CDK12: variants seen among roughly 807,000 people sequenced by gnomAD.
CDK12 encodes the protein cyclin dependent kinase 12, also known as cyclin-dependent kinase 12.
CDK12 carries 17 observed loss-of-function variants against 133.8 expected under a neutral mutation model. That is an observed-to-expected ratio of 0.13 (90% CI 0.09 to 0.19). The LOEUF (loss-of-function observed/expected upper bound fraction) is 0.19, where lower values mean the gene tolerates loss of function less well. Among genes scored for constraint, CDK12 ranks in the 10% least tolerant of loss-of-function variants. The pLI is 1.00. For missense variants in CDK12, 1,508 were observed against 1,818.7 expected (o/e 0.83, Z 3.11); for synonymous variants, 694 against 683.6 (o/e 1.02, Z -0.24).
intron 5 of CDK12, among the ~76,000 whole-genome samples, chr17:39,498,948 TTTC>T (rs1567736876): frequency 0.33 from 4 of 12 alleles, no homozygotes; most frequent in African/African-American, 0.5. Context: ...TCTTTCTTTC[TTTC>T]TTTCTTTCTT....
At chr17:39,513,450 T>TGCTG (rs2053611674) in intron 8 of CDK12, among the ~76,000 whole-genome samples, 1 of 152,242 alleles carries the variant, frequency 6.6e-6, no homozygotes, top group Non-Finnish European at 1.5e-5. Flanking sequence ...AGTTAAATTT[T>TGCTG]ACTGACTCAA....
intron 6 of CDK12, among the ~76,000 whole-genome samples, chr17:39,503,773 G>A (rs894026027): frequency 6.6e-6 from 1 of 152,138 alleles, no homozygotes; most frequent in African/African-American, 2.4e-5. Context: ...AGACCTGTGG[G>A]TGAGATGGCC....
At chr17:39,559,126 T>TA (rs1195935425) in intron 3 of CDK12, among the ~76,000 whole-genome samples, 1 of 152,184 alleles carries the variant, frequency 6.6e-6, no homozygotes, top group Non-Finnish European at 1.5e-5. Flanking sequence ...CTCCTATACC[T>TA]AAAAGAGACA....
Position 39,532,472 on chromosome 17 carries a change from C to A in CDK12, c.*1156C>A, listed in dbSNP as rs1015659058. The A allele has an allele frequency of 1.5e-4, 35 of 227,818 alleles. No homozygotes were observed. Among genetic ancestry groups the A allele is most frequent in the Admixed American group, 9.7e-4 (17 of 17,522 alleles). 14.1% of individuals were successfully genotyped at this position (227,818 alleles called of 1,614,324 possible). On this transcript the variant is annotated 3_prime_UTR_variant, in exon 14 of 14. Coordinates refer to ENST00000447079, the MANE Select transcript of CDK12 (RefSeq NM_016507.4). ...ATATATTTTTATGTCAAAAAAAAAA[C>A]AAAAACCTTTCAAACAGAGCATTGT...
rs570066130 is a variant in CDK12, at chr17:39,484,305, A to G, written c.1932-6252A>G. Among the ~76,000 whole-genome samples, 45 of 152,278 alleles carry G rather than the reference A, an allele frequency of 3.0e-4. No homozygotes were observed. In the South Asian group the frequency reaches 7.7e-3, roughly 26 times the overall value. On this transcript the variant is annotated intron_variant, in intron 2 of 13. Coordinates refer to ENST00000447079, the MANE Select transcript of CDK12 (RefSeq NM_016507.4). Reference sequence around the variant, plus strand: ...ATGTATTATGAAACCTAATTACCACATGTGAATTTGTGTATAGGTATAAAT... The same window carrying G: ...ATGTATTATGAAACCTAATTACCACGTGTGAATTTGTGTATAGGTATAAAT...
intron 2 of CDK12, among the ~76,000 whole-genome samples, chr17:39,488,233 CAAA>C (rs111700941): frequency 1.5e-5 from 2 of 135,944 alleles, no homozygotes. Flanking sequence ...GTCCCTGTCT[CAAA>C]AAAAAAAAAA....
At chr17:39,544,006 A>T, upstream of CDK12, 1 of 225,128 alleles carries the variant, frequency 4.4e-6, no homozygotes, top group Non-Finnish European at 9.5e-6. Flanking sequence ...TTTTGCTTTT[A>T]TCAGCCTGGG....
intron 4 of CDK12, 124 bp from the exon 5 acceptor site, chr17:39,494,400 G>A (rs2051904676): frequency 1.3e-6 from 1 of 746,756 alleles, no homozygotes; most frequent in South Asian, 1.8e-5. Context: ...AGGTGTATAA[G>A]TATCTCGTGT....
intron 6 of CDK12, among the ~76,000 whole-genome samples, chr17:39,508,997 CAA>C (rs36130789): frequency 8.3e-6 from 1 of 120,736 alleles, no homozygotes. Context: ...GACTCTGTCT[CAA>C]AAAAAAAAAA....
At chr17:39,549,544 C>G (rs940151699), upstream of CDK12, 1 of 152,344 alleles carries the variant, frequency 6.6e-6, no homozygotes, top group African/African-American at 2.4e-5. Context: ...CTTCTCTCAG[C>G]TTTCCTGTGG....
At chr17:39,523,956 C>A (rs1055604890) in intron 11 of CDK12, among the ~76,000 whole-genome samples, 1 of 152,132 alleles carries the variant, frequency 6.6e-6, no homozygotes, top group Admixed American at 6.6e-5. Flanking sequence ...CAGCCAAATT[C>A]ATTTATTACA....
chr17:39,493,175 T>G (rs975953672), intron 4 of CDK12, among the ~76,000 whole-genome samples: 1 of 148,066 alleles, frequency 6.8e-6, no homozygotes, highest in African/African-American at 2.4e-5. Flanking sequence ...TGTTTTTTTT[T>G]TTTTTTTAGT....
intron 2 of CDK12, among the ~76,000 whole-genome samples, chr17:39,480,152 G>A (rs930288863): frequency 6.6e-6 from 1 of 151,938 alleles, no homozygotes; most frequent in Non-Finnish European, 1.5e-5. Flanking sequence ...GCAATCTCCT[G>A]ACTTCATGTG....
At chr17:39,495,104 A>G (rs1297663327) in intron 5 of CDK12, among the ~76,000 whole-genome samples, 2 of 151,538 alleles carry the variant, frequency 1.3e-5, no homozygotes, top group Admixed American at 1.3e-4. Context: ...ATTTTGAGAC[A>G]GTCTCGCACT....
chr17:39,517,831 T>C (rs1172208778), intron 10 of CDK12, among the ~76,000 whole-genome samples: 1 of 152,192 alleles, frequency 6.6e-6, no homozygotes, highest in African/African-American at 2.4e-5. Flanking sequence ...GAGAATGGAA[T>C]TGTTGGCTTC....
rs535444629 is a variant in CDK12 at position 39,526,602 on chromosome 17, T to C, written c.3760+286T>C. On this transcript the variant is annotated intron_variant, in intron 13 of 13. Transcript: ENST00000447079. The stretch of plus-strand genomic sequence containing the variant: ...TAACCAAGGAAACCACAACCATAGC[T>C]AGTGATGCATCTTGAACCACACATC... Among the ~76,000 whole-genome samples, 11 of 152,318 alleles carry C rather than the reference T, an allele frequency of 7.2e-5. 1 individual carries two copies. Among genetic ancestry groups the C allele is most frequent in the South Asian group, 6.2e-4 (3 of 4,828 alleles).
downstream of CDK12, among the ~76,000 whole-genome samples, chr17:39,566,544 C>G (rs2056581600): frequency 6.6e-6 from 1 of 152,182 alleles, no homozygotes; most frequent in Non-Finnish European, 1.5e-5. Flanking sequence ...TGCCATCGTG[C>G]TAACTCACAG....
Position 39,531,404 on chromosome 17 carries a change from G to A in CDK12, c.*88G>A. ...ATCTTTAATGAAATCATTTGCCAGA[G>A]CGAGGTAATCATCTGCATTTGGCTA... is the stretch of plus-strand genomic sequence containing the variant. On this transcript the variant is annotated 3_prime_UTR_variant, in exon 14 of 14. Coordinates refer to ENST00000447079, the MANE Select transcript of CDK12 (RefSeq NM_016507.4). The A allele has an allele frequency of 3.1e-6, 4 of 1,274,186 alleles. No individual in the cohort carries two copies. The highest frequency in any genetic ancestry group is 4.1e-6 in the Non-Finnish European group (4 of 985,216). The allele number at this position is 1,274,186 out of a possible 1,614,324, so 78.9% of individuals were successfully genotyped here. A position where few individuals can be genotyped will look rare whatever the true frequency, so the allele number is the denominator to read the frequency against.
At chr17:39,555,502 G>A (rs1288126653) in intron 2 of CDK12, among the ~76,000 whole-genome samples, 1 of 151,926 alleles carries the variant, frequency 6.6e-6, no homozygotes, top group Non-Finnish European at 1.5e-5. Context: ...GTCAGGAACA[G>A]CTCCATTCCC....
Sources: gnomAD v4.1 joint callset for allele counts (sites outside exome capture counted in the v4.1 genomes callset) on GRCh38, gnomAD v4.1.1 for gene constraint, MANE v1.5 for transcripts, NCBI Gene and HGNC (gene_info 2026-07-23, HGNC 2026-07-21) for gene names.